The following NELL1 variants were observed in gnomAD, a reference collection of about 807,000 sequenced individuals.
NELL1 encodes protein kinase C-binding protein NELL1.
NELL1 carries 76 observed loss-of-function variants against 107.4 expected under a neutral mutation model. The ratio of observed to expected loss-of-function variants is 0.71; its 90% confidence interval spans 0.59 to 0.86. NELL1 has a LOEUF of 0.86. NELL1 is among the 40% of genes least tolerant of loss of function. NELL1 has a pLI of 0.00. For synonymous variants in NELL1, 353 were observed against 341.2 expected (o/e 1.03, Z -0.38); for missense variants, 1,024 against 1,005.5 (o/e 1.02, Z -0.25).
At chr11:20,670,809 GTCAT>G (rs1853885141) in intron 1 of NELL1, among the ~76,000 whole-genome samples, 1 of 151,812 alleles carries the variant, frequency 6.6e-6, no homozygotes, top group Non-Finnish European at 1.5e-5. Flanking sequence ...AATCTGTGTG[GTCAT>G]TCCCTTTCCC....
intron 12 of NELL1, among the ~76,000 whole-genome samples, chr11:21,047,247 T>G (rs1251001419): frequency 6.6e-6 from 1 of 152,182 alleles, no homozygotes; most frequent in African/African-American, 2.4e-5. Context: ...CCCTTTCTTT[T>G]CAGTTGCTAT....
At chr11:21,096,423 A>G (rs1264100145) in intron 12 of NELL1, among the ~76,000 whole-genome samples, 1 of 152,180 alleles carries the variant, frequency 6.6e-6, no homozygotes, top group African/African-American at 2.4e-5. Flanking sequence ...CAGAAGCAGC[A>G]TCAACTTTTC....
intron 14 of NELL1, among the ~76,000 whole-genome samples, chr11:21,335,804 G>A (rs1386827583): frequency 2.0e-5 from 3 of 152,028 alleles, no homozygotes; most frequent in African/African-American, 7.2e-5. Flanking sequence ...GGATGAGAGA[G>A]CCAATTGACT....
At chr11:20,698,586 TA>T (rs1430542697) in intron 2 of NELL1, among the ~76,000 whole-genome samples, 2 of 152,244 alleles carry the variant, frequency 1.3e-5, no homozygotes, top group Non-Finnish European at 2.9e-5. Context: ...AGGTAGAAGA[TA>T]TTTTTAAGGA....
At chr11:21,190,069 C>T (rs559468688) in intron 13 of NELL1, among the ~76,000 whole-genome samples, 1 of 151,678 alleles carries the variant, frequency 6.6e-6, no homozygotes, top group Non-Finnish European at 1.5e-5. Context: ...AGAAAAGATG[C>T]AGGCAGGGTG....
intron 17 of NELL1, 53 bp from the exon 18 acceptor site, chr11:21,570,711 G>T: frequency 3.2e-6 from 5 of 1,547,292 alleles, no homozygotes; most frequent in Non-Finnish European, 4.4e-6. Context: ...TCTTAGTGTA[G>T]CTGTCCATCA....
intron 14 of NELL1, among the ~76,000 whole-genome samples, chr11:21,306,419 G>T (rs748309199): frequency 9.9e-5 from 15 of 152,004 alleles, no homozygotes; most frequent in Admixed American, 3.3e-4. Flanking sequence ...TTGCTCATGA[G>T]TGCACAAGCA....
chr11:21,285,436 G>T (rs1336774741), intron 14 of NELL1, among the ~76,000 whole-genome samples: 1 of 152,142 alleles, frequency 6.6e-6, no homozygotes, highest in East Asian at 1.9e-4. Flanking sequence ...AATATACATT[G>T]TAACTTTTCT....
At chr11:20,835,533 C>T (rs973219150) in intron 3 of NELL1, among the ~76,000 whole-genome samples, 4 of 152,024 alleles carry the variant, frequency 2.6e-5, no homozygotes, top group African/African-American at 9.7e-5. Context: ...AAAGAAAATG[C>T]TCTGTGTATA....
chr11:21,193,314 A>C (rs1857085343), intron 13 of NELL1, among the ~76,000 whole-genome samples: 1 of 151,812 alleles, frequency 6.6e-6, no homozygotes, highest in Non-Finnish European at 1.5e-5. Context: ...TAGGTCAATC[A>C]GAAATAAAGC....
At chr11:21,030,642 T>A (rs895441063) in intron 12 of NELL1, among the ~76,000 whole-genome samples, 3 of 143,392 alleles carry the variant, frequency 2.1e-5, no homozygotes, top group Admixed American at 2.1e-4. Flanking sequence ...TTTTTTTTTT[T>A]ACTTATTTAA....
At chr11:21,437,264 TA>T (rs1853146794) in intron 15 of NELL1, among the ~76,000 whole-genome samples, 1 of 152,236 alleles carries the variant, frequency 6.6e-6, no homozygotes, top group Admixed American at 6.5e-5. Context: ...GTTCTAATGA[TA>T]TTTGCTTTAA....
At chr11:21,350,023 T>C (rs540785495) in intron 14 of NELL1, among the ~76,000 whole-genome samples, 3 of 152,280 alleles carry the variant, frequency 2.0e-5, no homozygotes, top group Non-Finnish European at 4.4e-5. Flanking sequence ...AAAAATCTGA[T>C]AGATGATAGG....
chr11:20,737,381 A>G (rs562667178), intron 2 of NELL1, among the ~76,000 whole-genome samples: 4 of 152,286 alleles, frequency 2.6e-5, no homozygotes, highest in South Asian at 4.2e-4. Context: ...AAGGGCTCCC[A>G]TTGGTCAATG....
At chr11:20,784,571 A>G (rs1314451857) in intron 3 of NELL1, among the ~76,000 whole-genome samples, 1 of 152,168 alleles carries the variant, frequency 6.6e-6, no homozygotes, top group Non-Finnish European at 1.5e-5. Context: ...AGAGGTAGGT[A>G]GAAGCCAGAT....
At chr11:20,783,885 A>C in intron 3 of NELL1, 55 bp downstream of exon 3, 1 of 1,505,960 alleles carries the variant, frequency 6.6e-7, no homozygotes, top group Non-Finnish European at 8.9e-7. Flanking sequence ...GGGTTATACA[A>C]AATGTCTTGG....
intron 14 of NELL1, among the ~76,000 whole-genome samples, chr11:21,298,620 A>AAGAGC (rs1381555419): frequency 6.6e-6 from 1 of 151,956 alleles, no homozygotes; most frequent in African/African-American, 2.4e-5. Context: ...TACTCTTGCC[A>AAGAGC]AGAGCTCTGA....
At chr11:20,962,457 G>C (rs538043214) in intron 12 of NELL1, among the ~76,000 whole-genome samples, 1 of 152,070 alleles carries the variant, frequency 6.6e-6, no homozygotes, top group Non-Finnish European at 1.5e-5. Context: ...TCCTGATTAC[G>C]CCACTGGCAG....
chr11:20,672,983 C>T (rs375768884), intron 1 of NELL1, among the ~76,000 whole-genome samples: 4 of 113,628 alleles, frequency 3.5e-5, no homozygotes, highest in Admixed American at 1.7e-4. Context: ...CCCCCCCCCC[C>T]CCCCGAGTAG....
Sources: allele counts gnomAD v4.1 joint callset (sites outside exome capture counted in the v4.1 genomes callset), GRCh38; gene constraint gnomAD v4.1.1; transcripts MANE v1.5; gene names NCBI Gene and HGNC (gene_info 2026-07-23, HGNC 2026-07-21).